The following LTN1 variants were observed in gnomAD, a reference collection of about 807,000 sequenced individuals.
LTN1 encodes listerin E3 ubiquitin protein ligase 1.
Under a neutral mutation model 201.2 loss-of-function variants are expected in LTN1, and 88 were observed. The ratio of observed to expected loss-of-function variants is 0.44; its 90% confidence interval spans 0.37 to 0.52. The LOEUF (loss-of-function observed/expected upper bound fraction) is 0.52, where lower values mean the gene tolerates loss of function less well. LTN1 is among the 20% of genes least tolerant of loss of function. The pLI is 0.00. For synonymous variants in LTN1, 645 were observed against 713.5 expected, an observed-to-expected ratio of 0.90 and a Z score of 1.53; for missense variants, 1,752 against 2,038.7, an observed-to-expected ratio of 0.86 and a Z score of 2.71.
At chr21:28,971,609 C>A (rs772518793) in intron 6 of LTN1, among the ~76,000 whole-genome samples, 165 bp from the exon 7 acceptor site, 3 of 152,066 alleles carry the variant, frequency 2.0e-5, no homozygotes, top group Non-Finnish European at 1.5e-5. Context: ...GCTGAAAAGG[C>A]ATAAGGAATT....
intron 24 of LTN1, among the ~76,000 whole-genome samples, chr21:28,942,723 T>C (rs1014485235): frequency 6.6e-6 from 1 of 152,144 alleles, no homozygotes; most frequent in African/African-American, 2.4e-5. Flanking sequence ...TTTAAATGCC[T>C]CTTCCTCAAA....
intron 11 of LTN1, chr21:28,964,601 G>A (rs1288989065): frequency 1.3e-6 from 2 of 1,547,522 alleles, no homozygotes; most frequent in Non-Finnish European, 8.7e-7. Flanking sequence ...ATGCCAGTAT[G>A]AACATATCTA....
intron 21 of LTN1, among the ~76,000 whole-genome samples, chr21:28,945,304 T>C (rs1355219393): frequency 1.3e-5 from 2 of 152,088 alleles, no homozygotes; most frequent in African/African-American, 2.4e-5. Context: ...ACATAGCTAA[T>C]AGCAGGCAAA....
chr21:28,992,158 C>G (rs2084751334), intron 1 of LTN1, among the ~76,000 whole-genome samples: 1 of 152,178 alleles, frequency 6.6e-6, no homozygotes, highest in Non-Finnish European at 1.5e-5. Flanking sequence ...GTGTCGAGAG[C>G]AAAGTTTGGA....
chr21:28,970,886 T>A, intron 7 of LTN1, 144 bp from the exon 8 acceptor site: 2 of 532,070 alleles, frequency 3.8e-6, no homozygotes, highest in Non-Finnish European at 6.4e-6. Flanking sequence ...CATTAAAAAC[T>A]AAAACTGAAA....
chr21:28,966,625 G>T lies in LTN1; in HGVS notation c.1866C>A (p.Asp622Glu). The T allele has an allele frequency of 1.9e-6, 3 of 1,614,028 alleles. No individual in the cohort carries two copies. Among genetic ancestry groups the T allele is most frequent in the Non-Finnish European group, 2.5e-6 (3 of 1,179,986 alleles). The change falls in exon 10 of 30, where the codon GAC (aspartate) becomes GAA (glutamate). Residue 622 changes from aspartate to glutamate, a missense_variant. By Grantham distance (45) the Asp-to-Glu change is conservative (BLOSUM62 2). This residue lies in a region of LTN1 where 1,211 missense variants were observed against 1,312.8 expected (regional missense o/e 0.92). Coordinates refer to ENST00000361371, the MANE Select transcript of LTN1 (RefSeq NM_015565.3). ...TAAATACTCGGCTTGAAGAAAAGGAGTCAAGCAGAGTAGAAAGAAACCTTA... is the reference window on the plus strand; with the variant it reads ...TAAATACTCGGCTTGAAGAAAAGGATTCAAGCAGAGTAGAAAGAAACCTTA... ...QHLRFLSTLL[D>E]SFSSSRVFKM...
In LTN1 at chr21:28,958,376, A is replaced by G; in HGVS notation, c.2747+10T>C. ...AAAGAGACACTGAAACCAAGCTCAA[A>G]AAAGGTTACCTGTTGATATCCAAAG... On this transcript the variant is annotated intron_variant, in intron 14 of 29. Coordinates refer to ENST00000361371, the MANE Select transcript of LTN1 (RefSeq NM_015565.3). 1.3e-6 allele frequency: 2 copies of G among 1,594,266 alleles called. No homozygotes were observed. Among genetic ancestry groups the G allele is most frequent in the Non-Finnish European group, 1.7e-6 (2 of 1,174,914 alleles).
At chr21:28,991,987 T>A (rs890018203) in intron 1 of LTN1, among the ~76,000 whole-genome samples, 31 of 152,278 alleles carry the variant, frequency 2.0e-4, no homozygotes, top group African/African-American at 5.8e-4. Context: ...GGTGCCAGTC[T>A]GTTCTAGGTT....
At position 28,971,381 on chromosome 21, in the gene LTN1, C is replaced by T; in HGVS notation, c.874G>A (p.Glu292Lys). Residue 292 changes from glutamate to lysine, a missense_variant, in exon 7 of 30, where the codon GAG becomes AAG. By Grantham distance (56) the Glu-to-Lys change is moderately conservative (BLOSUM62 1). Transcript: ENST00000361371. ...GATGGGCTCACTTTGGATGCTTCCTCTTTCATCAACTGTGGAATGCGCTGG... is the reference window on the plus strand; with the variant it reads ...GATGGGCTCACTTTGGATGCTTCCTTTTTCATCAACTGTGGAATGCGCTGG... ...LCQRIPQLMK[E>K]EASKVSPSVL... The T allele has an allele frequency of 2.5e-6, 4 of 1,614,094 alleles. No individual in the cohort carries two copies. Among genetic ancestry groups the T allele is most frequent in the Non-Finnish European group, 3.4e-6 (4 of 1,179,984 alleles).
chr21:28,941,738 C>T (rs532942882), intron 24 of LTN1, among the ~76,000 whole-genome samples: 3 of 152,248 alleles, frequency 2.0e-5, no homozygotes, highest in Non-Finnish European at 4.4e-5. Flanking sequence ...CTAAATCCTA[C>T]CCGGCCTTTT....
In LTN1 at chr21:28,966,899, G is replaced by A; in HGVS notation, c.1592C>T (p.Ser531Leu). 6.2e-7 allele frequency: 1 copy of A among 1,604,644 alleles called. No homozygotes were observed. The highest frequency in any genetic ancestry group is 1.7e-4 in the Middle Eastern group (1 of 6,008). ...AACCTTACCATTTTTTTTTTTACTTGACTTCAATGAGCTCTTCGGCTTCTG... is the reference window on the plus strand; with the variant it reads ...AACCTTACCATTTTTTTTTTTACTTAACTTCAATGAGCTCTTCGGCTTCTG... Reference protein sequence around the residue: ...VLQKPKSSLKSSKKKNGKVRF... With the variant: ...VLQKPKSSLKLSKKKNGKVRF... The change falls in exon 10 of 30, where the codon TCA becomes TTA. Residue 531 changes from serine (S) to leucine (L), a missense_variant. Around this residue, in one of 3 missense-constraint regions of LTN1, gnomAD observed 1,211 missense variants for 1,312.8 expected, o/e 0.92. Transcript: ENST00000361371.
At chr21:28,931,051 G>T in intron 29 of LTN1, 104 bp downstream of exon 29, 1 of 686,496 alleles carries the variant, frequency 1.5e-6, no homozygotes, top group Non-Finnish European at 2.3e-6. Flanking sequence ...CTCTTCCGAA[G>T]TTAGACATTG....
intron 17 of LTN1, among the ~76,000 whole-genome samples, 170 bp downstream of exon 17, chr21:28,953,047 G>A (rs1334565161): frequency 6.6e-6 from 1 of 152,162 alleles, no homozygotes; most frequent in Non-Finnish European, 1.5e-5. Flanking sequence ...CCCTGAGAAG[G>A]TTAAATCAAG....
intron 18 of LTN1, among the ~76,000 whole-genome samples, chr21:28,951,234 TA>T (rs551510667): frequency 1.0e-3 from 154 of 152,320 alleles, no homozygotes; most frequent in Admixed American, 3.7e-3. Flanking sequence ...ACTTTTAAGA[TA>T]AAAAACAGTC....
At chr21:28,949,013 G>A (rs965270486) in intron 18 of LTN1, among the ~76,000 whole-genome samples, 10 of 152,200 alleles carry the variant, frequency 6.6e-5, no homozygotes, top group African/African-American at 2.4e-4. Flanking sequence ...GCACAGGTGT[G>A]ACTGTTTAGC....
chr21:28,975,924 T>C (rs1260903163), intron 6 of LTN1, among the ~76,000 whole-genome samples: 2 of 152,224 alleles, frequency 1.3e-5, no homozygotes, highest in Non-Finnish European at 2.9e-5. Context: ...GGACTGCTGA[T>C]ATATGCAACA....
chr21:28,942,580 T>C (rs148484807), intron 24 of LTN1, among the ~76,000 whole-genome samples: 1 of 152,150 alleles, frequency 6.6e-6, no homozygotes, highest in Non-Finnish European at 1.5e-5. Flanking sequence ...AAACTATACA[T>C]TAAGTGGTAA....
intron 24 of LTN1, among the ~76,000 whole-genome samples, chr21:28,941,628 C>T (rs909277921): frequency 6.6e-5 from 10 of 151,980 alleles, no homozygotes; most frequent in Admixed American, 5.9e-4. Context: ...TTTTAGAAAA[C>T]GTCTCTTTCA....
intron 25 of LTN1, among the ~76,000 whole-genome samples, chr21:28,940,242 T>C (rs11701837): frequency 0.22 from 33,834 of 152,122 alleles, 4,230 homozygotes; most frequent in South Asian, 0.28. Flanking sequence ...TGCAGTGGCA[T>C]GATCTCAGCT....
Sources: gnomAD v4.1 joint callset for allele counts (sites outside exome capture counted in the v4.1 genomes callset) on GRCh38, gnomAD v4.1.1 for gene constraint, gnomAD v4.1.1 regional missense constraint, MANE v1.5 for transcripts, NCBI Gene and HGNC (gene_info 2026-07-23, HGNC 2026-07-21) for gene names.